The following MANBA variants were observed in gnomAD, a reference collection of about 807,000 sequenced individuals.
MANBA encodes the protein mannosidase beta, also known as beta-mannosidase.
MANBA carries 83 observed loss-of-function variants against 111.1 expected under a neutral mutation model. The observed-to-expected ratio is 0.75, with a 90% CI of 0.63 to 0.90. The LOEUF (loss-of-function observed/expected upper bound fraction) is 0.90. Ranked by LOEUF, MANBA falls within the 40% of genes least tolerant of loss-of-function variation. The probability of loss-of-function intolerance (pLI) is 0.00; values close to 1 mark genes in which losing one functional copy is unlikely to be tolerated. For missense variants in MANBA, 1,036 were observed against 1,069.0 expected, an observed-to-expected ratio of 0.97 and a Z score of 0.43; for synonymous variants, 370 against 378.7, an observed-to-expected ratio of 0.98 and a Z score of 0.27.
intron 1 of MANBA, chr4:102,727,833 T>C: frequency 1.6e-6 from 1 of 615,160 alleles, no homozygotes; most frequent in South Asian, 1.7e-5. Context: ...GGAAAAGGAT[T>C]TTCCTGAAGA....
chr4:102,730,686 T>G, intron 1 of MANBA: 1 of 537,374 alleles, frequency 1.9e-6, no homozygotes, highest in Non-Finnish European at 3.8e-6. Context: ...GGGCTTGTAA[T>G]ACCTTCATGA....
intron 7 of MANBA, among the ~76,000 whole-genome samples, chr4:102,683,796 A>G (rs1732085913): frequency 6.6e-6 from 1 of 152,210 alleles, no homozygotes; most frequent in African/African-American, 2.4e-5. Flanking sequence ...AGAATTTATG[A>G]TATCCCAACA....
intron 1 of MANBA, among the ~76,000 whole-genome samples, chr4:102,742,309 C>G (rs1475663542): frequency 6.6e-6 from 1 of 152,150 alleles, no homozygotes; most frequent in Non-Finnish European, 1.5e-5. Context: ...GTCGCAGGAA[C>G]AGGAAGCAAA....
rs758817003 is a variant in MANBA, at chr4:102,657,703, C to T, written c.1683G>A (p.Pro561=). The part of the protein sequence containing the change: ...FASEYGYQSW[P]SFSTLEKVSS... ...TTACCTTTTCTAATGTACTGAAGGACGGCCAGGACTGATATCCATATTCAG... is the reference window on the plus strand; with the variant it reads ...TTACCTTTTCTAATGTACTGAAGGATGGCCAGGACTGATATCCATATTCAG... The change falls in exon 12 of 17, where the codon CCG becomes CCA. Residue 561 remains proline (P), a synonymous_variant. Transcript: ENST00000647097. The T allele has an allele frequency of 1.4e-5, 23 of 1,611,732 alleles. No homozygotes were observed. Among genetic ancestry groups the T allele is most frequent in the Non-Finnish European group, 2.0e-5 (23 of 1,178,044 alleles).
intron 12 of MANBA, among the ~76,000 whole-genome samples, chr4:102,655,463 T>C (rs1730520305): frequency 1.3e-5 from 2 of 152,222 alleles, no homozygotes; most frequent in South Asian, 2.1e-4. Context: ...ACATGAAATA[T>C]GCCACTGGAA....
chr4:102,652,330 T>C (rs571741283), intron 12 of MANBA, among the ~76,000 whole-genome samples: 80 of 152,230 alleles, frequency 5.3e-4, no homozygotes, highest in African/African-American at 1.9e-3. Flanking sequence ...CACATTGGAG[T>C]GTCCTTCCTC....
intron 11 of MANBA, 140 bp downstream of exon 11, chr4:102,664,545 T>C: frequency 1.4e-6 from 1 of 695,430 alleles, no homozygotes; most frequent in Non-Finnish European, 2.5e-6. Flanking sequence ...AGAGACGGGG[T>C]TTCACCGTGG....
intron 2 of MANBA, among the ~76,000 whole-genome samples, chr4:102,725,015 T>C (rs1018292830): frequency 1.3e-5 from 2 of 152,180 alleles, no homozygotes; most frequent in Non-Finnish European, 2.9e-5. Context: ...ATATGAGGTA[T>C]CCAGAACAAG....
chr4:102,709,761 C>T (rs568190151), intron 5 of MANBA, among the ~76,000 whole-genome samples: 2 of 152,216 alleles, frequency 1.3e-5, no homozygotes, highest in East Asian at 3.9e-4. Flanking sequence ...CAAAGATCCT[C>T]AACAAAATCC....
chr4:102,754,109 A>G, intron 1 of MANBA: 1 of 258,220 alleles, frequency 3.9e-6, no homozygotes, highest in Admixed American at 5.3e-5. Flanking sequence ...TAAACGTATA[A>G]AGGTATTTGA....
At chr4:102,683,845 C>T (rs1282059427) in intron 7 of MANBA, among the ~76,000 whole-genome samples, 1 of 152,086 alleles carries the variant, frequency 6.6e-6, no homozygotes, top group African/African-American at 2.4e-5. Flanking sequence ...GTTTAAATTG[C>T]CTGTTGATAT....
At chr4:102,708,679 CA>C (rs894296733) in intron 5 of MANBA, among the ~76,000 whole-genome samples, 2 of 150,206 alleles carry the variant, frequency 1.3e-5, no homozygotes, top group African/African-American at 4.9e-5. Context: ...GAAATAGAGA[CA>C]AAAAAAACAG....
intron 1 of MANBA, chr4:102,727,830 G>T (rs1369959534): frequency 3.2e-6 from 2 of 618,274 alleles, no homozygotes; most frequent in South Asian, 1.7e-5. Flanking sequence ...TCCGGAAAAG[G>T]ATTTTCCTGA....
intron 5 of MANBA, among the ~76,000 whole-genome samples, chr4:102,709,309 AGGAAG>A (rs764185990): frequency 2.2e-5 from 3 of 135,146 alleles, no homozygotes; most frequent in Non-Finnish European, 3.1e-5. Flanking sequence ...GAAGGAAGGA[AGGAAG>A]AAAAGAAAAG....
intron 4 of MANBA, among the ~76,000 whole-genome samples, chr4:102,715,434 A>G (rs1295831203): frequency 6.6e-6 from 1 of 152,256 alleles, no homozygotes. Context: ...AGAAGCTATC[A>G]TAATAAATGT....
chr4:102,731,385 C>T (rs192719406), intron 1 of MANBA, among the ~76,000 whole-genome samples: 21 of 152,318 alleles, frequency 1.4e-4, no homozygotes, highest in Middle Eastern at 3.4e-3. Flanking sequence ...CAGCACAACT[C>T]CCTTCCGCTC....
In MANBA at chr4:102,664,730, G is replaced by A; in HGVS notation, c.1440C>T (p.Asp480=). Residue 480 remains aspartate, a synonymous_variant, in exon 11 of 17, where the codon GAC becomes GAT. Coordinates refer to ENST00000647097, the MANE Select transcript of MANBA (RefSeq NM_005908.4). ...TGTTTTTCACATAGAGTGTCACATA[G>A]TCCTTGATGTAGATTGGCCGGTCAG... ...SFTDRPIYIK[D]YVTLYVKNIR... is the part of the protein sequence containing the mutation. The A allele has an allele frequency of 6.2e-7, 1 of 1,613,376 alleles. No homozygotes were observed. Among genetic ancestry groups the A allele is most frequent in the Non-Finnish European group, 8.5e-7 (1 of 1,179,302 alleles).
At chr4:102,665,130 AAAG>A (rs1420840907) in intron 10 of MANBA, 2 of 360,896 alleles carry the variant, frequency 5.5e-6, no homozygotes, top group Non-Finnish European at 1.0e-5. Flanking sequence ...TTAGAAAGAG[AAAG>A]AAAAGGGGAA....
At chr4:102,673,885 A>G in intron 8 of MANBA, 34 bp downstream of exon 8, 1 of 1,584,328 alleles carries the variant, frequency 6.3e-7, no homozygotes, top group Non-Finnish European at 8.7e-7. Flanking sequence ...CTGCTAATTA[A>G]AAGAAGAACA....
Sources: allele counts gnomAD v4.1 joint callset (sites outside exome capture counted in the v4.1 genomes callset), GRCh38; gene constraint gnomAD v4.1.1; transcripts MANE v1.5; gene names NCBI Gene and HGNC (gene_info 2026-07-23, HGNC 2026-07-21).